Variants in CCDC175 observed in about 807,000 individuals in gnomAD.
CCDC175 encodes coiled-coil domain-containing protein 175.
In CCDC175, 100 loss-of-function variants were observed where a neutral mutation model predicts 114.6. The observed-to-expected ratio is 0.87, with a 90% CI of 0.74 to 1.03. CCDC175 has a LOEUF of 1.03. CCDC175 is among the 50% of genes least tolerant of loss of function. CCDC175 has a pLI of 0.00. For synonymous variants in CCDC175, 306 were observed against 308.7 expected, an observed-to-expected ratio of 0.99 and a Z score of 0.09; for missense variants, 880 against 917.8, an observed-to-expected ratio of 0.96 and a Z score of 0.53.
chr14:59,570,417 G>A (rs913563916), intron 3 of CCDC175, among the ~76,000 whole-genome samples: 35 of 152,176 alleles, frequency 2.3e-4, no homozygotes, highest in Non-Finnish European at 3.5e-4. Flanking sequence ...GCAATAAATG[G>A]CTAACTGGAA....
At chr14:59,514,015 C>T (rs182394596) in intron 17 of CCDC175, among the ~76,000 whole-genome samples, 158 of 152,306 alleles carry the variant, frequency 1.0e-3, no homozygotes, top group Non-Finnish European at 1.7e-3. Context: ...CACCAATATC[C>T]GCTGTTCTGC....
chr14:59,549,226 T>A (rs576754878), intron 8 of CCDC175, among the ~76,000 whole-genome samples: 1 of 152,182 alleles, frequency 6.6e-6, no homozygotes, highest in Admixed American at 6.5e-5. Context: ...AAATTAAGTA[T>A]GTGTGGCTAG....
Position 59,545,222 on chromosome 14 carries a change from A to G in CCDC175, c.1113T>C (p.Tyr371=), listed in dbSNP as rs1170456008. Reference sequence around the variant, plus strand: ...TTTCTTCCTCACTTAAAACAATCTTATATTGTCTGGCAAGAGTTTTCATTT... The same window carrying G: ...TTTCTTCCTCACTTAAAACAATCTTGTATTGTCTGGCAAGAGTTTTCATTT... ...REKMKTLARQ[Y]KIVLSEEEKA... is the part of the protein sequence containing the mutation. The change falls in exon 9 of 20, where the codon TAT becomes TAC. Residue 371 remains tyrosine (Y), a synonymous_variant. Coordinates refer to ENST00000537690, the MANE Select transcript of CCDC175 (RefSeq NM_001164399.2). 6.5e-7 allele frequency: 1 copy of G among 1,536,898 alleles called. No homozygotes were observed. Among genetic ancestry groups the G allele is most frequent in the Non-Finnish European group, 8.7e-7 (1 of 1,146,664 alleles).
At chr14:59,549,283 G>T (rs1161564166) in intron 8 of CCDC175, among the ~76,000 whole-genome samples, 1 of 152,154 alleles carries the variant, frequency 6.6e-6, no homozygotes, top group East Asian at 1.9e-4. Flanking sequence ...GGAGACCAAG[G>T]CAGGAGGATT....
At chr14:59,549,868 T>C (rs1191720263) in intron 8 of CCDC175, among the ~76,000 whole-genome samples, 1 of 152,136 alleles carries the variant, frequency 6.6e-6, no homozygotes, top group Non-Finnish European at 1.5e-5. Flanking sequence ...AGTGTGTATG[T>C]ATATTTGTGT....
intron 7 of CCDC175, among the ~76,000 whole-genome samples, chr14:59,559,649 C>G (rs1005052505): frequency 1.3e-5 from 2 of 152,088 alleles, no homozygotes; most frequent in African/African-American, 4.8e-5. Flanking sequence ...TTGCCTCTCC[C>G]TATCTTCACA....
chr14:59,505,537 C>G, intron 19 of CCDC175: 2 of 314,582 alleles, frequency 6.4e-6, no homozygotes, highest in Non-Finnish European at 1.2e-5. Flanking sequence ...ATGTCCTGTT[C>G]TAGCAGAAAA....
chr14:59,551,478 C>A, intron 7 of CCDC175, 42 bp from the exon 8 acceptor site: 1 of 1,078,064 alleles, frequency 9.3e-7, no homozygotes, highest in South Asian at 1.6e-5. Context: ...TAAGAACATA[C>A]TTTTGAATTC....
chr14:59,559,944 A>G (rs1566631362), intron 7 of CCDC175, among the ~76,000 whole-genome samples: 1 of 152,148 alleles, frequency 6.6e-6, no homozygotes, highest in Admixed American at 6.6e-5. Context: ...AAATTTCATC[A>G]ACGTAGTGAG....
At chr14:59,523,629 T>G (rs1893548323) in intron 16 of CCDC175, among the ~76,000 whole-genome samples, 1 of 152,168 alleles carries the variant, frequency 6.6e-6, no homozygotes, top group Admixed American at 6.5e-5. Context: ...GACCATGAGG[T>G]CATTATGGAT....
At chr14:59,539,484 G>A (rs1285412070) in intron 11 of CCDC175, among the ~76,000 whole-genome samples, 1 of 152,148 alleles carries the variant, frequency 6.6e-6, no homozygotes, top group Non-Finnish European at 1.5e-5. Context: ...GGAGGCTGAG[G>A]CAGGAGAATC....
chr14:59,506,275 ATTT>A (rs35322741), intron 19 of CCDC175, among the ~76,000 whole-genome samples: 17 of 136,048 alleles, frequency 1.2e-4, no homozygotes, highest in African/African-American at 4.1e-4. Flanking sequence ...GAGCACAGGG[ATTT>A]TTTTTTTTTT....
At chr14:59,536,573 C>T (rs1894410065) in intron 13 of CCDC175, among the ~76,000 whole-genome samples, 1 of 151,960 alleles carries the variant, frequency 6.6e-6, no homozygotes, top group East Asian at 1.9e-4. Context: ...CCCCTCACCC[C>T]GTTTCTTCTA....
In CCDC175 at chr14:59,576,725, C is replaced by G. The variant is rs139240795; in HGVS notation, c.51G>C (p.Val17=). 595 of 1,476,770 alleles carry G rather than the reference C, an allele frequency of 4.0e-4. No individual in the cohort carries two copies. In the African/African-American group the frequency reaches 7.8e-3, roughly 19 times the overall value. The allele number at this position is 1,476,770 out of a possible 1,614,324, so 91.5% of individuals were successfully genotyped here. A position where few individuals can be genotyped will look rare whatever the true frequency, so the allele number is the denominator to read the frequency against. Residue 17 remains valine, a synonymous_variant, in exon 1 of 20, where the codon GTG becomes GTC. Coordinates refer to ENST00000537690, the MANE Select transcript of CCDC175 (RefSeq NM_001164399.2). Reference sequence around the variant, plus strand: ...GGCCAGTGGAGACGGCAGCCGCCTGCACCAGCTTCTCGCCAGCGCCCAGCC... The same window carrying G: ...GGCCAGTGGAGACGGCAGCCGCCTGGACCAGCTTCTCGCCAGCGCCCAGCC... The part of the protein sequence containing the change: ...TPGLGAGEKL[V]QAAAVSTGPS...
At chr14:59,543,196 G>A in intron 10 of CCDC175, 148 bp downstream of exon 10, 1 of 415,940 alleles carries the variant, frequency 2.4e-6, no homozygotes, top group Non-Finnish European at 4.2e-6. Flanking sequence ...CCATGAGAGT[G>A]ACTTCCAGAC....
At chr14:59,553,372 T>G (rs1222745317) in intron 7 of CCDC175, among the ~76,000 whole-genome samples, 3 of 152,156 alleles carry the variant, frequency 2.0e-5, no homozygotes, top group Non-Finnish European at 4.4e-5. Flanking sequence ...CTAAGCTTCA[T>G]AAGTGAAGGA....
intron 7 of CCDC175, among the ~76,000 whole-genome samples, chr14:59,556,482 G>A (rs186441917): frequency 2.0e-5 from 3 of 152,026 alleles, no homozygotes; most frequent in Admixed American, 6.6e-5. Context: ...AAAGACTTAA[G>A]TCTTAGACCT....
At chr14:59,520,546 A>G (rs1316101900) in intron 17 of CCDC175, among the ~76,000 whole-genome samples, 1 of 152,228 alleles carries the variant, frequency 6.6e-6, no homozygotes, top group Non-Finnish European at 1.5e-5. Context: ...ACACTTGTAA[A>G]CAAATGTTCA....
intron 7 of CCDC175, among the ~76,000 whole-genome samples, chr14:59,556,819 A>G (rs537602718): frequency 6.6e-6 from 1 of 152,228 alleles, no homozygotes; most frequent in Non-Finnish European, 1.5e-5. Flanking sequence ...ATGAACAGAC[A>G]CTTCTCAAAA....
Sources: gnomAD v4.1 joint callset for allele counts (sites outside exome capture counted in the v4.1 genomes callset) on GRCh38, gnomAD v4.1.1 for gene constraint, MANE v1.5 for transcripts, NCBI Gene and HGNC (gene_info 2026-07-23, HGNC 2026-07-21) for gene names.